The following DNAAF11 variants were observed in gnomAD, a reference collection of about 807,000 sequenced individuals.
DNAAF11 encodes the protein dynein axonemal assembly factor 11.
DNAAF11 carries 45 observed loss-of-function variants against 60.8 expected under a neutral mutation model. The ratio of observed to expected loss-of-function variants is 0.74; its 90% CI spans 0.58 to 0.95. DNAAF11 has a LOEUF of 0.95. Ranked by LOEUF, DNAAF11 falls within the 40% of genes least tolerant of loss-of-function variation. The pLI, the probability that DNAAF11 is intolerant of heterozygous loss-of-function variation, is 0.00. For synonymous variants in DNAAF11, 191 were observed against 183.5 expected (o/e 1.04, Z -0.33); for missense variants, 546 against 546.2 (o/e 1.00, Z 0.00).
intron 10 of DNAAF11, among the ~76,000 whole-genome samples, chr8:132,589,884 G>A (rs1048917152): frequency 6.6e-6 from 1 of 152,160 alleles, no homozygotes; most frequent in Non-Finnish European, 1.5e-5. Context: ...TTATCCACAA[G>A]TGCCCCAGAG....
At chr8:132,640,044 T>C (rs974254729) in intron 3 of DNAAF11, among the ~76,000 whole-genome samples, 1 of 152,226 alleles carries the variant, frequency 6.6e-6, no homozygotes, top group East Asian at 1.9e-4. Flanking sequence ...TCTGGCATTC[T>C]ACAAGATTTG....
At chr8:132,643,022 G>A (rs1023019799) in intron 3 of DNAAF11, among the ~76,000 whole-genome samples, 5 of 152,180 alleles carry the variant, frequency 3.3e-5, no homozygotes, top group South Asian at 4.1e-4. Context: ...ATACGAGCAC[G>A]CAACCTACAT....
At chr8:132,573,396 T>C (rs1397218614) in intron 11 of DNAAF11, among the ~76,000 whole-genome samples, 1 of 152,170 alleles carries the variant, frequency 6.6e-6, no homozygotes. Flanking sequence ...TTCCTGGTAA[T>C]ATCTAATAGC....
intron 2 of DNAAF11, among the ~76,000 whole-genome samples, chr8:132,658,212 G>A (rs1041592988): frequency 6.6e-6 from 1 of 152,094 alleles, no homozygotes; most frequent in African/African-American, 2.4e-5. Context: ...GGATTTGGGG[G>A]AAAAAATTAC....
intron 10 of DNAAF11, among the ~76,000 whole-genome samples, chr8:132,596,095 T>C (rs943744666): frequency 6.6e-6 from 1 of 152,146 alleles, no homozygotes; most frequent in African/African-American, 2.4e-5. Context: ...ATGGGTTCAT[T>C]TGGCTATTTT....
At chr8:132,596,538 C>T (rs897185724) in intron 10 of DNAAF11, among the ~76,000 whole-genome samples, 1 of 152,158 alleles carries the variant, frequency 6.6e-6, no homozygotes, top group African/African-American at 2.4e-5. Flanking sequence ...TTGCTAGAGA[C>T]AGTCTCTAAA....
chr8:132,591,329 A>G (rs1317418268), intron 10 of DNAAF11, among the ~76,000 whole-genome samples: 3 of 152,018 alleles, frequency 2.0e-5, no homozygotes, highest in Non-Finnish European at 4.4e-5. Flanking sequence ...AGATTAAAGG[A>G]AGGCTTGCTT....
At chr8:132,694,470 A>G in the DNAAF11 span, among the ~76,000 whole-genome samples, 49,022 of 152,126 alleles carry the variant, frequency 0.32, 8,058 homozygotes, top group East Asian at 0.38. Flanking sequence ...CAACCCTGCC[A>G]ACACCTTGAT....
intron 2 of DNAAF11, among the ~76,000 whole-genome samples, chr8:132,657,510 G>A (rs1048819499): frequency 6.6e-6 from 1 of 152,160 alleles, no homozygotes; most frequent in Non-Finnish European, 1.5e-5. Context: ...TCTACCTGTA[G>A]ACTTAAAGTT....
chr8:132,635,699 C>T (rs1207042116), intron 4 of DNAAF11, among the ~76,000 whole-genome samples: 1 of 151,738 alleles, frequency 6.6e-6, no homozygotes, highest in East Asian at 1.9e-4. Flanking sequence ...TATAGATGTC[C>T]CCTGACAAAA....
chr8:132,688,040 T>C, the DNAAF11 span, among the ~76,000 whole-genome samples: 1 of 152,224 alleles, frequency 6.6e-6, no homozygotes, highest in Non-Finnish European at 1.5e-5. Context: ...GTAATTCTTT[T>C]TTTCTAATTC....
chr8:132,665,923 G>GA (rs71574308), intron 1 of DNAAF11, among the ~76,000 whole-genome samples: 38,553 of 152,076 alleles, frequency 0.25, 5,608 homozygotes, highest in African/African-American at 0.38. Context: ...GCCATAAAAA[G>GA]AAAAAATCAT....
At chr8:132,630,166 TA>T (rs757022019) in intron 5 of DNAAF11, among the ~76,000 whole-genome samples, 8 of 152,116 alleles carry the variant, frequency 5.3e-5, no homozygotes, top group Middle Eastern at 3.2e-3. Flanking sequence ...TACAGACAAG[TA>T]AAGAACTAAA....
chr8:132,585,161 G>C (rs1815756317), intron 10 of DNAAF11, among the ~76,000 whole-genome samples: 1 of 152,174 alleles, frequency 6.6e-6, no homozygotes, highest in Admixed American at 6.5e-5. Context: ...TTCCCCATCT[G>C]AGACCCCAGC....
At position 132,587,345 on chromosome 8, in the gene DNAAF11, A is replaced by C. The variant is rs186947516; in HGVS notation, c.1141-3566T>G. 6.4e-4 allele frequency among the ~76,000 whole-genome samples: 98 copies of C among 152,342 alleles called. 1 individual carries two copies. The highest frequency in any genetic ancestry group is 5.9e-4 in the Non-Finnish European group (40 of 68,026). On this transcript the variant is annotated intron_variant, in intron 10 of 11. Coordinates refer to ENST00000620350, the MANE Select transcript of DNAAF11 (RefSeq NM_012472.6). ...AATTAAGGAGTCAGCTGTAAGCAAAATATTAACACCAACATTCATAATAAC... is the reference window on the plus strand; with the variant it reads ...AATTAAGGAGTCAGCTGTAAGCAAACTATTAACACCAACATTCATAATAAC...
chr8:132,580,349 T>C (rs1423487997), intron 11 of DNAAF11, among the ~76,000 whole-genome samples: 1 of 152,204 alleles, frequency 6.6e-6, no homozygotes. Flanking sequence ...TGTGGTTCTT[T>C]GCAGGCATAC....
the DNAAF11 span, among the ~76,000 whole-genome samples, chr8:132,698,615 C>G: frequency 6.6e-6 from 1 of 152,116 alleles, no homozygotes; most frequent in Non-Finnish European, 1.5e-5. Context: ...TTTCTCTGCA[C>G]CAGACACAAT....
chr8:132,675,450 A>G (rs755337493), intron 1 of DNAAF11, 34 bp downstream of exon 1: 2 of 1,554,858 alleles, frequency 1.3e-6, no homozygotes, highest in South Asian at 2.3e-5. Flanking sequence ...CCACAAGGGG[A>G]ACGATCGAGG....
intron 10 of DNAAF11, among the ~76,000 whole-genome samples, chr8:132,606,220 C>G (rs1371069647): frequency 6.6e-6 from 1 of 152,030 alleles, no homozygotes; most frequent in East Asian, 1.9e-4. Flanking sequence ...GTACATAATA[C>G]TTGATAGTGA....
Sources: gnomAD v4.1 joint callset for allele counts (sites outside exome capture counted in the v4.1 genomes callset) on GRCh38, gnomAD v4.1.1 for gene constraint, MANE v1.5 for transcripts, NCBI Gene and HGNC (gene_info 2026-07-23, HGNC 2026-07-21) for gene names.